The following PRKG1 variants were observed in gnomAD, a reference collection of about 807,000 sequenced individuals.
PRKG1 encodes protein kinase cGMP-dependent 1.
In PRKG1, 35 loss-of-function variants were observed where a neutral mutation model predicts 88.1. The observed-to-expected ratio is 0.40, with a 90% CI of 0.30 to 0.53. The LOEUF (loss-of-function observed/expected upper bound fraction) is 0.53, where lower values mean the gene tolerates loss of function less well. Ranked by LOEUF, PRKG1 falls within the 20% of genes least tolerant of loss-of-function variation. The probability of loss-of-function intolerance (pLI) is 0.59; values close to 1 mark genes in which losing one functional copy is unlikely to be tolerated. For missense variants in PRKG1, 540 were observed against 839.8 expected (o/e 0.64, Z 4.41); for synonymous variants, 303 against 292.5 (o/e 1.04, Z -0.37).
chr10:51,018,898 T>C lies in PRKG1; in HGVS notation c.266+27254T>C, dbSNP rs181190380. Among the ~76,000 whole-genome samples the C allele has an allele frequency of 1.6e-3, 237 of 152,342 alleles. 1 individual carries two copies. The highest frequency in any genetic ancestry group is 5.4e-3 in the African/African-American group (225 of 41,580). On this transcript the variant is annotated intron_variant, in intron 1 of 17. Coordinates refer to the PRKG1 transcript ENST00000401604. ...CTCTGATTGGTAATTATGCATTTAT[T>C]TGATTACTTAAATAGGGAAACAAGA...
At chr10:52,176,484 G>T (rs76345845) in intron 9 of PRKG1, among the ~76,000 whole-genome samples, 1,588 of 151,920 alleles carry the variant, frequency 0.01, 27 homozygotes, top group African/African-American at 0.036. Flanking sequence ...CCACCACCAG[G>T]ATTGCTTTAG....
intron 3 of PRKG1, among the ~76,000 whole-genome samples, chr10:51,660,416 A>G (rs1421551029): frequency 6.6e-6 from 1 of 151,986 alleles, no homozygotes; most frequent in Admixed American, 6.6e-5. Context: ...ATGATGGGCC[A>G]TAAAGTGTGT....
intron 5 of PRKG1, among the ~76,000 whole-genome samples, chr10:51,954,161 T>A (rs888516672): frequency 6.6e-6 from 1 of 152,108 alleles, no homozygotes; most frequent in Non-Finnish European, 1.5e-5. Flanking sequence ...ACCATGAAAA[T>A]CAAAGCAGTC....
chr10:51,849,250 C>A (rs1460817022), intron 4 of PRKG1, among the ~76,000 whole-genome samples: 1 of 152,124 alleles, frequency 6.6e-6, no homozygotes, highest in East Asian at 1.9e-4. Flanking sequence ...TGGAGCCAAA[C>A]AGGCATGAGT....
In PRKG1 at chr10:51,278,670, G is replaced by C. The variant is rs540521402; in HGVS notation, c.478+125340G>C. On this transcript the variant is annotated intron_variant, in intron 2 of 17. Transcript: ENST00000373980. ...TATTCAGGGATTCAACTTCTTCCTG[G>C]TTTAGTCTTGGGAGGGTGTATGTGT... 7.2e-5 allele frequency among the ~76,000 whole-genome samples: 11 copies of C among 152,142 alleles called. No individual in the cohort carries two copies. In the South Asian group the frequency reaches 2.3e-3, roughly 32 times the overall value.
intron 2 of PRKG1, among the ~76,000 whole-genome samples, chr10:51,180,400 C>A (rs892990858): frequency 2.6e-5 from 4 of 152,170 alleles, no homozygotes; most frequent in Non-Finnish European, 5.9e-5. Context: ...GTCTGCTTCC[C>A]TCCCTTTTAA....
intron 5 of PRKG1, among the ~76,000 whole-genome samples, chr10:51,980,452 T>C (rs1412995302): frequency 6.6e-6 from 1 of 152,188 alleles, no homozygotes. Context: ...GAATGTATAG[T>C]CTGTTATTTT....
rs185788056 is a variant in PRKG1, at chr10:51,553,972, C to T, written c.592+86136C>T. Among the ~76,000 whole-genome samples the T allele has an allele frequency of 3.4e-3, 435 of 129,616 alleles. 6 individuals carry two copies. Among genetic ancestry groups the T allele is most frequent in the Middle Eastern group, 0.016 (4 of 250 alleles). The allele number at this position is 129,616 out of a possible 152,430, so 85.0% of individuals were successfully genotyped here. ...ATATAATATATGTATGTATTAGATACGTGCATATTATATATGCGTATGTGA... is the reference window on the plus strand; with the variant it reads ...ATATAATATATGTATGTATTAGATATGTGCATATTATATATGCGTATGTGA... On this transcript the variant is annotated intron_variant, in intron 3 of 17. Transcript: ENST00000373980.
At chr10:52,289,637 TCAA>T (rs1268039087) in intron 16 of PRKG1, among the ~76,000 whole-genome samples, 4 of 152,274 alleles carry the variant, frequency 2.6e-5, no homozygotes, top group Non-Finnish European at 4.4e-5. Context: ...CTGAAACCCT[TCAA>T]AGACAAAAGA....
chr10:51,905,017 G>C (rs1462610702), intron 4 of PRKG1, among the ~76,000 whole-genome samples: 3 of 152,136 alleles, frequency 2.0e-5, no homozygotes, highest in African/African-American at 4.8e-5. Flanking sequence ...GAAAAACTCA[G>C]TTCTAGTTTG....
chr10:51,311,566 C>G (rs1841186629), intron 2 of PRKG1, among the ~76,000 whole-genome samples: 2 of 152,178 alleles, frequency 1.3e-5, no homozygotes, highest in Admixed American at 6.5e-5. Flanking sequence ...TTGGGAAAGA[C>G]AGAAGTATGG....
chr10:52,148,519 G>GA (rs139871092), intron 8 of PRKG1, among the ~76,000 whole-genome samples: 4 of 150,148 alleles, frequency 2.7e-5, no homozygotes, highest in African/African-American at 7.3e-5. Context: ...ATATTGAATA[G>GA]AAAAAAAAAG....
intron 2 of PRKG1, among the ~76,000 whole-genome samples, chr10:51,262,241 G>T (rs1312339038): frequency 1.3e-5 from 2 of 152,038 alleles, no homozygotes; most frequent in Non-Finnish European, 2.9e-5. Flanking sequence ...TATGATTAAT[G>T]TGAAATATTC....
At position 52,243,439 on chromosome 10, in the gene PRKG1, T is replaced by A. The variant is rs773920798; in HGVS notation, c.1077-8131T>A. Among the ~76,000 whole-genome samples the A allele has an allele frequency of 7.0e-4, 107 of 152,140 alleles. 1 individual carries two copies. The highest frequency in any genetic ancestry group is 1.1e-3 in the Non-Finnish European group (75 of 67,998). ...TAACATCTCCAGATTAGTTCCTTTA[T>A]TTAAAAAAAAGCAATGTGGAGGTTA... On this transcript the variant is annotated intron_variant, in intron 9 of 17. Transcript: ENST00000373980.
At chr10:51,375,479 CAT>C (rs1842798625) in intron 2 of PRKG1, among the ~76,000 whole-genome samples, 1 of 151,734 alleles carries the variant, frequency 6.6e-6, no homozygotes, top group African/African-American at 2.4e-5. Context: ...CTGAGCATCT[CAT>C]ATGTGAAAAT....
intron 5 of PRKG1, among the ~76,000 whole-genome samples, chr10:51,996,617 C>T (rs1362886913): frequency 6.6e-6 from 1 of 151,800 alleles, no homozygotes; most frequent in African/African-American, 2.4e-5. Flanking sequence ...TGGCTGTTAT[C>T]AAAAAGATGA....
chr10:51,224,969 A>C (rs1838651242), intron 2 of PRKG1, among the ~76,000 whole-genome samples: 1 of 152,172 alleles, frequency 6.6e-6, no homozygotes, highest in South Asian at 2.1e-4. Context: ...ACTTCCAAAG[A>C]GCATATAAAT....
intron 3 of PRKG1, among the ~76,000 whole-genome samples, chr10:51,722,900 C>T (rs1745949314): frequency 6.6e-6 from 1 of 152,092 alleles, no homozygotes; most frequent in South Asian, 2.1e-4. Flanking sequence ...GTAAAATAAA[C>T]AGGTAGAATT....
chr10:52,045,568 G>A (rs1244024610), intron 5 of PRKG1, among the ~76,000 whole-genome samples: 1 of 152,090 alleles, frequency 6.6e-6, no homozygotes, highest in East Asian at 1.9e-4. Context: ...CTTAGCAATG[G>A]AAGTGACACA....
Sources: allele counts gnomAD v4.1 joint callset (sites outside exome capture counted in the v4.1 genomes callset), GRCh38; gene constraint gnomAD v4.1.1; transcripts MANE v1.5; gene names NCBI Gene and HGNC (gene_info 2026-07-23, HGNC 2026-07-21).